The following MAP7D2 variants were observed in gnomAD, a reference collection of about 807,000 sequenced individuals.
MAP7D2 encodes MAP7 domain-containing protein 2.
A neutral mutation model predicts 63.5 loss-of-function variants in MAP7D2; 33 were observed. The observed-to-expected ratio is 0.52, with a 90% CI of 0.39 to 0.70. The LOEUF is 0.70. Among genes scored for constraint, MAP7D2 ranks in the 30% least tolerant of loss-of-function variants. The pLI is 0.00. For missense variants in MAP7D2, 626 were observed against 604.0 expected (o/e 1.04, Z -0.38); for synonymous variants, 224 against 223.7 (o/e 1.00, Z -0.01).
intron 6 of MAP7D2, chrX:20,049,907 G>A: frequency 3.3e-6 from 1 of 303,308 alleles, no homozygotes; most frequent in South Asian, 3.1e-5. Context: ...ATCCCACTAT[G>A]GTTTTGATTT....
At chrX:20,116,376 G>A (rs1220119162) in intron 1 of MAP7D2, among the ~76,000 whole-genome samples, 1 of 112,291 alleles carries the variant, frequency 8.9e-6, no homozygotes, top group African/African-American at 3.2e-5. Context: ...GCGGAGGCCG[G>A]GGCAACCCCA....
intron 1 of MAP7D2, among the ~76,000 whole-genome samples, chrX:20,077,839 CTCT>C (rs1469498283): frequency 8.9e-6 from 1 of 112,129 alleles, no homozygotes; most frequent in African/African-American, 3.2e-5. Context: ...TGTATATGTC[CTCT>C]TCATTTCTCA....
At chrX:20,063,611 C>A in intron 2 of MAP7D2, 34 bp from the exon 3 acceptor site, 1 of 1,190,742 alleles carries the variant, frequency 8.4e-7, no homozygotes. Flanking sequence ...GGTGTCATTA[C>A]CAGAGCATCC....
In MAP7D2 at chrX:20,056,745, T is replaced by A. The variant is rs1461971442; in HGVS notation, c.419A>T (p.Gln140Leu). Residue 140 changes from glutamine (Q) to leucine (L), a missense_variant, in exon 4 of 17, where the codon CAG becomes CTG. Coordinates refer to ENST00000379643, the MANE Select transcript of MAP7D2 (RefSeq NM_001168465.2). ...MMRRSLERTQ[Q>L]LELKKKYSWG... ...CGAATACTTCTTTTTCAGCTCCAGC[T>A]GCTGTGTGCGCTCCAGGGACCGGCG... is the stretch of plus-strand genomic sequence containing the variant. The A allele has an allele frequency of 8.3e-6, 10 of 1,210,235 alleles. No individual in the cohort carries two copies. The African/African-American group carries it at 8.7e-5, about 11-fold the overall frequency.
chrX:20,023,284 C>A (rs996893320), intron 10 of MAP7D2, among the ~76,000 whole-genome samples: 1 of 112,747 alleles, frequency 8.9e-6, no homozygotes, highest in Non-Finnish European at 1.9e-5. Flanking sequence ...AATCTTTTGA[C>A]GCCATAGGAA....
At chrX:20,059,813 G>C (rs754876288) in intron 3 of MAP7D2, among the ~76,000 whole-genome samples, 2 of 110,733 alleles carry the variant, frequency 1.8e-5, no homozygotes, top group East Asian at 5.7e-4. Flanking sequence ...AGGAAGGAGC[G>C]AGCCTCACAC....
At chrX:20,059,632 A>G (rs867877590) in intron 3 of MAP7D2, among the ~76,000 whole-genome samples, 1 of 95,748 alleles carries the variant, frequency 1.0e-5, no homozygotes, top group African/African-American at 4.0e-5. Context: ...GGAAGGGTGG[A>G]AGGAAGGAAG....
intron 1 of MAP7D2, among the ~76,000 whole-genome samples, chrX:20,114,929 T>C (rs1461484011): frequency 2.7e-5 from 3 of 112,050 alleles, no homozygotes; most frequent in African/African-American, 9.7e-5. Context: ...ATAATTTTTC[T>C]AAGGAGACTT....
At chrX:20,016,744 G>C (rs887022414) in intron 10 of MAP7D2, among the ~76,000 whole-genome samples, 1 of 111,963 alleles carries the variant, frequency 8.9e-6, no homozygotes, top group African/African-American at 3.2e-5. Context: ...GGCCACAAAT[G>C]TGCCAGTCAG....
intron 1 of MAP7D2, among the ~76,000 whole-genome samples, chrX:20,107,581 CA>C (rs1264218448): frequency 1.8e-5 from 2 of 109,719 alleles, no homozygotes; most frequent in Non-Finnish European, 3.8e-5. Context: ...CCGCCCCCCC[CA>C]AAATTAATTA....
intron 1 of MAP7D2, among the ~76,000 whole-genome samples, chrX:20,101,561 C>A (rs774858611): frequency 8.9e-6 from 1 of 112,105 alleles, no homozygotes; most frequent in Non-Finnish European, 1.9e-5. Flanking sequence ...ATGTACCCAA[C>A]AGAAATGTAT....
intron 1 of MAP7D2, among the ~76,000 whole-genome samples, chrX:20,069,305 T>C (rs1327712213): frequency 2.7e-5 from 3 of 110,863 alleles, no homozygotes; most frequent in Admixed American, 9.6e-5. Flanking sequence ...CTCTTGGGCT[T>C]AAGTGATCCT....
chrX:20,030,894 G>A (rs1413300789), intron 8 of MAP7D2, among the ~76,000 whole-genome samples: 3 of 111,942 alleles, frequency 2.7e-5, no homozygotes, highest in Non-Finnish European at 5.6e-5. Flanking sequence ...CCTCTGCCAC[G>A]AGATTCCTGC....
At chrX:20,034,188 G>A (rs2074135310) in intron 8 of MAP7D2, among the ~76,000 whole-genome samples, 1 of 84,509 alleles carries the variant, frequency 1.2e-5, no homozygotes, top group Non-Finnish European at 2.1e-5. Context: ...CTGAGCCACT[G>A]CACTCCAGAC....
At chrX:20,106,509 T>A (rs2066569925) in intron 1 of MAP7D2, among the ~76,000 whole-genome samples, 1 of 112,083 alleles carries the variant, frequency 8.9e-6, no homozygotes, top group African/African-American at 3.2e-5. Context: ...AGCACAGTCA[T>A]CACACTGAAT....
intron 1 of MAP7D2, among the ~76,000 whole-genome samples, chrX:20,111,017 T>G (rs1418113724): frequency 9.0e-6 from 1 of 111,694 alleles, no homozygotes; most frequent in Non-Finnish European, 1.9e-5. Context: ...TTAAGAGAAC[T>G]GGCAACTTCT....
At chrX:20,108,905 G>T (rs1603410476) in intron 1 of MAP7D2, among the ~76,000 whole-genome samples, 1 of 110,310 alleles carries the variant, frequency 9.1e-6, no homozygotes, top group Admixed American at 9.8e-5. Flanking sequence ...GGTATCTTCA[G>T]ATCCTTAACA....
chrX:20,083,534 T>A (rs900888464), intron 1 of MAP7D2, among the ~76,000 whole-genome samples: 2 of 112,383 alleles, frequency 1.8e-5, no homozygotes, highest in African/African-American at 6.5e-5. Context: ...GTAAAAACGA[T>A]CATCAAAGAA....
chrX:20,022,554 C>T (rs887253787), intron 10 of MAP7D2, among the ~76,000 whole-genome samples: 12 of 109,583 alleles, frequency 1.1e-4, no homozygotes, highest in Admixed American at 3.9e-4. Flanking sequence ...AGAGGAGGGA[C>T]GGGAAGGGAA....
Sources: allele counts gnomAD v4.1 joint callset (sites outside exome capture counted in the v4.1 genomes callset), GRCh38; gene constraint gnomAD v4.1.1; transcripts MANE v1.5; gene names NCBI Gene and HGNC (gene_info 2026-07-23, HGNC 2026-07-21).